ZNF425: variants seen among roughly 807,000 people sequenced by gnomAD.
ZNF425 encodes the protein zinc finger protein 425.
ZNF425 carries 21 observed loss-of-function variants against 17.0 expected under a neutral mutation model. The observed-to-expected ratio is 1.23, with a 90% confidence interval of 0.88 to 1.78. The LOEUF (loss-of-function observed/expected upper bound fraction) is 1.78, where lower values mean the gene tolerates loss of function less well. Among genes scored for constraint, ZNF425 ranks in the 40% most tolerant of loss-of-function variants. The pLI, the probability that ZNF425 is intolerant of heterozygous loss-of-function variation, is 0.00. For synonymous variants in ZNF425, 433 were observed against 384.1 expected (o/e 1.13, Z -1.49); for missense variants, 868 against 967.3 (o/e 0.90, Z 1.36).
At chr7:149,123,073 C>T (rs1826386877) in intron 1 of ZNF425, among the ~76,000 whole-genome samples, 1 of 152,084 alleles carries the variant, frequency 6.6e-6, no homozygotes, top group Non-Finnish European at 1.5e-5. Context: ...ACTAAAATTC[C>T]CAATTTTAAC....
chr7:149,114,257 A>G (rs1200042237), intron 2 of ZNF425, among the ~76,000 whole-genome samples: 4 of 143,026 alleles, frequency 2.8e-5, no homozygotes, highest in Non-Finnish European at 6.0e-5. Flanking sequence ...TATTTTTAGT[A>G]GAGACGGGGT....
Position 149,105,175 on chromosome 7 carries a change from T to C in ZNF425, c.696A>G (p.Glu232=). Residue 232 remains glutamate, a synonymous_variant, in exon 4 of 4, where the codon GAA becomes GAG. Transcript: ENST00000378061. ...KYKNSSRGKS[E]LRRTQRLLCQ... ...ACAGGAGCCTCTGCGTCCGCCTGAGTTCGGACTTCCCTCTGGACGAGTTTT... is the reference window on the plus strand; with the variant it reads ...ACAGGAGCCTCTGCGTCCGCCTGAGCTCGGACTTCCCTCTGGACGAGTTTT... 6.2e-7 allele frequency: 1 copy of C among 1,614,192 alleles called. No individual in the cohort carries two copies. Among genetic ancestry groups the C allele is most frequent in the South Asian group, 1.1e-5 (1 of 91,074 alleles).
intron 3 of ZNF425, among the ~76,000 whole-genome samples, chr7:149,110,809 T>TA (rs1312736360): frequency 4.0e-5 from 6 of 150,882 alleles, no homozygotes. Context: ...TTTTTTTTTT[T>TA]TTTGAGACGG....
At chr7:149,118,612 A>G in intron 1 of ZNF425, 1 of 432,882 alleles carries the variant, frequency 2.3e-6, no homozygotes, top group Non-Finnish European at 4.4e-6. Context: ...CAGGAGTTTG[A>G]GAGACCAGCC....
chr7:149,109,366 G>A (rs1053171937), intron 3 of ZNF425, among the ~76,000 whole-genome samples: 5 of 151,872 alleles, frequency 3.3e-5, no homozygotes, highest in African/African-American at 4.8e-5. Context: ...CATGAGCCAC[G>A]GCACCCAGCC....
At chr7:149,122,016 C>T (rs1039797623) in intron 1 of ZNF425, among the ~76,000 whole-genome samples, 1 of 151,744 alleles carries the variant, frequency 6.6e-6, no homozygotes, top group East Asian at 1.9e-4. Context: ...CCCAGGTTCA[C>T]GCCATTCTTC....
chr7:149,104,893 T>A lies in ZNF425; in HGVS notation c.978A>T (p.Gly326=). ...ELTEHLRLHS[G]EKPFQCPQCD... is the part of the protein sequence containing the mutation. The stretch of plus-strand genomic sequence containing the variant: ...ACTGCGGACACTGGAAGGGCTTCTC[T>A]CCGCTGTGCAGCCGCAAGTGCTCCG... The change falls in exon 4 of 4, where the codon GGA becomes GGT. Residue 326 remains glycine (G), a synonymous_variant. Coordinates refer to ENST00000378061, the MANE Select transcript of ZNF425 (RefSeq NM_001001661.3). This position sits in a 1 kb window ranked among gnomAD's most constrained non-coding sequence, Gnocchi z 4.3. 1 of 1,613,330 alleles carries A rather than the reference T, an allele frequency of 6.2e-7. No individual in the cohort carries two copies. The highest frequency in any genetic ancestry group is 8.5e-7 in the Non-Finnish European group (1 of 1,179,854).
Position 149,104,110 on chromosome 7 carries a change from ACACT to A in ZNF425, c.1757_1760del (p.Glu586ValfsTer15), listed in dbSNP as rs770469274. The A allele has an allele frequency of 1.2e-6, 2 of 1,611,904 alleles. No individual in the cohort carries two copies. Among genetic ancestry groups the A allele is most frequent in the African/African-American group, 2.7e-5 (2 of 74,582 alleles). The stretch of plus-strand genomic sequence containing the variant: ...GAGACTGATGCGTGTAGGTCTTGTC[ACACT>A]CACCGCACGCGAAGGGCTTCTCGTC... On this transcript the variant is annotated frameshift_variant, in exon 4 of 4. Transcript: ENST00000378061. LOFTEE classifies it low-confidence loss of function (END_TRUNC). This position sits in a 1 kb window ranked among gnomAD's most constrained non-coding sequence, Gnocchi z 4.3.
At chr7:149,107,104 CAAA>C (rs35268081) in intron 3 of ZNF425, among the ~76,000 whole-genome samples, 14 of 82,022 alleles carry the variant, frequency 1.7e-4, no homozygotes, top group African/African-American at 3.3e-4. Context: ...GAGACTGTCT[CAAA>C]AAAAAAAAAA....
At chr7:149,123,294 C>CTATATTTAT (rs1006151542) in intron 1 of ZNF425, among the ~76,000 whole-genome samples, 27 of 152,298 alleles carry the variant, frequency 1.8e-4, no homozygotes, top group African/African-American at 6.3e-4. Context: ...ATATAGATGA[C>CTATATTTAT]AGCCTACTAG....
intron 2 of ZNF425, among the ~76,000 whole-genome samples, chr7:149,116,828 G>A (rs1334966406): frequency 6.6e-6 from 1 of 152,054 alleles, no homozygotes; most frequent in Non-Finnish European, 1.5e-5. Context: ...GTTTTTCTCT[G>A]CTTAAAATTG....
intron 2 of ZNF425, among the ~76,000 whole-genome samples, chr7:149,114,469 C>T (rs1437910902): frequency 1.3e-5 from 2 of 149,944 alleles, no homozygotes; most frequent in Non-Finnish European, 3.0e-5. Flanking sequence ...CACAGAGTGG[C>T]TCACTGCAAC....
At chr7:149,110,818 G>A (rs1281171583) in intron 3 of ZNF425, among the ~76,000 whole-genome samples, 6 of 133,128 alleles carry the variant, frequency 4.5e-5, no homozygotes, top group African/African-American at 8.2e-5. Flanking sequence ...TTTTTGAGAC[G>A]GAGTCCCACT....
Position 149,105,385 on chromosome 7 carries a change from T to A in ZNF425, c.486A>T (p.Ala162=). The A allele has an allele frequency of 6.3e-7, 1 of 1,590,952 alleles. No homozygotes were observed. The highest frequency in any genetic ancestry group is 2.2e-5 in the East Asian group (1 of 44,708). Reference sequence around the variant, plus strand: ...GCAGGTCTTTCTTGTCTGGATCATATGCTGTGATGCTGACTTTTTTATTTA... The same window carrying A: ...GCAGGTCTTTCTTGTCTGGATCATAAGCTGTGATGCTGACTTTTTTATTTA... ...EILNKKVSIT[A]YDPDKKDLRH... The change falls in exon 4 of 4, where the codon GCA becomes GCT. Residue 162 remains alanine, a synonymous_variant. Coordinates refer to ENST00000378061, the MANE Select transcript of ZNF425 (RefSeq NM_001001661.3).
chr7:149,105,253 T>C lies in ZNF425; in HGVS notation c.618A>G (p.Leu206=). 1 of 1,614,214 alleles carries C rather than the reference T, an allele frequency of 6.2e-7. No individual in the cohort carries two copies. Among genetic ancestry groups the C allele is most frequent in the Non-Finnish European group, 8.5e-7 (1 of 1,180,038 alleles). Reference sequence around the variant, plus strand: ...TCTTGGAGTGGCTCCGTTTGTGCTTTAGCAAATCCCTCCTTACTTGGAAGA... The same window carrying C: ...TCTTGGAGTGGCTCCGTTTGTGCTTCAGCAAATCCCTCCTTACTTGGAAGA... ...RKVFQVRRDL[L]KHKRSHSKSQ... is the part of the protein sequence containing the mutation. Residue 206 remains leucine, a synonymous_variant, in exon 4 of 4, where the codon CTA becomes CTG. Transcript: ENST00000378061.
chr7:149,111,071 A>G (rs1301361907), intron 3 of ZNF425, among the ~76,000 whole-genome samples: 1 of 152,070 alleles, frequency 6.6e-6, no homozygotes. Context: ...CTAGGATTAC[A>G]GGCATGAGCC....
chr7:149,121,511 C>T (rs888098354), intron 1 of ZNF425, among the ~76,000 whole-genome samples: 21 of 152,084 alleles, frequency 1.4e-4, no homozygotes, highest in Admixed American at 1.2e-3. Context: ...CCTGCCTCAG[C>T]CTCACGAGCA....
intron 1 of ZNF425, among the ~76,000 whole-genome samples, chr7:149,125,380 C>T (rs1420886550): frequency 6.6e-6 from 1 of 152,182 alleles, no homozygotes; most frequent in Non-Finnish European, 1.5e-5. Flanking sequence ...AATACTACAG[C>T]ATTTACGGTA....
intron 3 of ZNF425, among the ~76,000 whole-genome samples, chr7:149,105,978 C>T (rs1445099879): frequency 1.1e-5 from 1 of 94,480 alleles, no homozygotes; most frequent in Non-Finnish European, 2.1e-5. Context: ...TTTTTTGAGA[C>T]GGAGTATTAC....
Sources: allele counts gnomAD v4.1 joint callset (sites outside exome capture counted in the v4.1 genomes callset), GRCh38; gene constraint gnomAD v4.1.1; non-coding constraint Gnocchi (gnomAD v3.1); transcripts MANE v1.5; gene names NCBI Gene and HGNC (gene_info 2026-07-23, HGNC 2026-07-21).